DHX32: variants seen among roughly 807,000 people sequenced by gnomAD.
DHX32 encodes the protein DEAH-box helicase 32 (putative).
A neutral mutation model predicts 70.0 loss-of-function variants in DHX32; 51 were observed. The ratio of observed to expected loss-of-function variants is 0.73; its 90% CI spans 0.58 to 0.92. DHX32 has a LOEUF of 0.92. DHX32 is among the 40% of genes least tolerant of loss of function. The pLI is 0.00. For missense variants in DHX32, 762 were observed against 891.8 expected (o/e 0.85, Z 1.85); for synonymous variants, 310 against 315.3 (o/e 0.98, Z 0.18).
upstream of DHX32, among the ~76,000 whole-genome samples, chr10:125,881,743 GT>G (rs1944318858): frequency 6.6e-6 from 1 of 152,170 alleles, no homozygotes; most frequent in Non-Finnish European, 1.5e-5. Context: ...CTCCCAGGCT[GT>G]TTTCCCCCTG....
intron 4 of DHX32, chr10:125,853,079 C>T (rs1944112200): frequency 1.5e-6 from 2 of 1,367,760 alleles, no homozygotes; most frequent in South Asian, 1.3e-5. Context: ...ATCATAACAG[C>T]TAATACAGAA....
intron 8 of DHX32, 131 bp downstream of exon 8, chr10:125,840,716 C>T (rs1420101707): frequency 2.0e-6 from 2 of 1,019,160 alleles, no homozygotes; most frequent in Non-Finnish European, 2.8e-6. Context: ...GCGTTTAGGG[C>T]CTCAAGTGCC....
At chr10:125,883,405 A>G (rs999058381), upstream of DHX32, among the ~76,000 whole-genome samples, 2 of 152,156 alleles carry the variant, frequency 1.3e-5, no homozygotes, top group Non-Finnish European at 2.9e-5. Flanking sequence ...AATCACTTCC[A>G]AGATATTCCC....
At position 125,867,078 on chromosome 10, in the gene DHX32, C is replaced by T; in HGVS notation, c.388G>A (p.Val130Met). 1 of 1,614,236 alleles carries T rather than the reference C, an allele frequency of 6.2e-7. No homozygotes were observed. The highest frequency in any genetic ancestry group is 1.1e-5 in the South Asian group (1 of 91,086). ...KQTVVQLALR[V>M]ADEMDVNIGH... ...ATGTTAACATCCATTTCATCCGCCA[C>T]CCGCAGGGCGAGCTGGACCACAGTC... Residue 130 changes from valine (V) to methionine (M), a missense_variant, in exon 2 of 11, where the codon GTG (valine) becomes ATG (methionine). This residue lies in a region of DHX32 where 394 missense variants were observed against 473.1 expected (regional missense o/e 0.83). Coordinates refer to ENST00000284690, the MANE Select transcript of DHX32 (RefSeq NM_018180.3).
intron 1 of DHX32, among the ~76,000 whole-genome samples, chr10:125,892,340 C>A (rs1251722968): frequency 8.5e-5 from 13 of 152,292 alleles, no homozygotes; most frequent in Non-Finnish European, 2.9e-5. Context: ...AGGCTCTCTA[C>A]CAATCTGTCA....
chr10:125,884,186 T>G (rs1944331760), upstream of DHX32, among the ~76,000 whole-genome samples: 1 of 152,032 alleles, frequency 6.6e-6, no homozygotes, highest in Non-Finnish European at 1.5e-5. Context: ...ACTAGAGGAG[T>G]TGGGCCCATT....
intron 1 of DHX32, among the ~76,000 whole-genome samples, chr10:125,893,844 A>G (rs1944385828): frequency 6.6e-6 from 1 of 152,284 alleles, no homozygotes; most frequent in African/African-American, 2.4e-5. Flanking sequence ...AGAACTATTA[A>G]TAACATGTTC....
intron 2 of DHX32, among the ~76,000 whole-genome samples, chr10:125,864,202 C>T (rs1944205967): frequency 1.3e-5 from 2 of 152,330 alleles, no homozygotes; most frequent in African/African-American, 2.4e-5. Flanking sequence ...AGAGTATCTT[C>T]TGACTCTGCG....
chr10:125,838,149 C>T, intron 10 of DHX32, 57 bp downstream of exon 10: 3 of 1,476,664 alleles, frequency 2.0e-6, no homozygotes, highest in Non-Finnish European at 2.7e-6. Flanking sequence ...TTGTCATTTA[C>T]TCCTACAGGT....
Position 125,841,946 on chromosome 10 carries a change from A to AGG in DHX32, c.1352-13_1352-12insCC, listed in dbSNP as rs761375325. On this transcript the variant is annotated splice_polypyrimidine_tract_variant and intron_variant, in intron 6 of 10. Coordinates refer to ENST00000284690, the MANE Select transcript of DHX32 (RefSeq NM_018180.3). Reference sequence around the variant, plus strand: ...CAAACTTTCTGGTGCTAGGAAAGGAAAAAAATAATAATTTAAGAGTCTCAT... The same window carrying AGG: ...CAAACTTTCTGGTGCTAGGAAAGGAAGGAAAAATAATAATTTAAGAGTCTCAT... 1 of 1,574,378 alleles carries AGG rather than the reference A, an allele frequency of 6.4e-7. No homozygotes were observed.
At position 125,859,021 on chromosome 10, in the gene DHX32, GT is replaced by G. The variant is rs574242863; in HGVS notation, c.849+581del. Among the ~76,000 whole-genome samples, 1,190 of 139,378 alleles carry G rather than the reference GT, an allele frequency of 8.5e-3. 10 individuals are homozygous for G. Among genetic ancestry groups the G allele is most frequent in the East Asian group, 0.037 (175 of 4,718 alleles). 91.4% of individuals were successfully genotyped at this position (139,378 alleles called of 152,430 possible). ...TGTTTTAAAGAAATCTGAGTTAAAG[GT>G]TTTTTTTTTTGTTTGTTTGTTTGTT... On this transcript the variant is annotated intron_variant, in intron 3 of 10. Coordinates refer to ENST00000284690, the MANE Select transcript of DHX32 (RefSeq NM_018180.3).
chr10:125,852,775 G>A lies in DHX32; in HGVS notation c.1093-133C>T, dbSNP rs947327431. Reference sequence around the variant, plus strand: ...TGCCACAGACTCATTTTCTTTGCACGATATTTATTATTGTTTCACTTGCCT... The same window carrying A: ...TGCCACAGACTCATTTTCTTTGCACAATATTTATTATTGTTTCACTTGCCT... On this transcript the variant is annotated intron_variant, in intron 4 of 10. Transcript: ENST00000284690. 19 of 780,548 alleles carry A rather than the reference G, an allele frequency of 2.4e-5. No individual in the cohort carries two copies. The South Asian group carries it at 3.8e-4, about 16-fold the overall frequency. 48.4% of individuals were successfully genotyped at this position (780,548 alleles called of 1,614,324 possible). A position where few individuals can be genotyped will look rare whatever the true frequency, so the allele number is the denominator to read the frequency against.
chr10:125,864,928 T>TAAAAAAAAAAAA (rs1944210296), intron 2 of DHX32, among the ~76,000 whole-genome samples: 1 of 16,964 alleles, frequency 5.9e-5, no homozygotes, highest in African/African-American at 2.1e-4. Context: ...GGACTCTGTC[T>TAAAAAAAAAAAA]CAAAAAAAAA....
At chr10:125,862,190 C>A (rs769463973) in intron 2 of DHX32, among the ~76,000 whole-genome samples, 30 of 152,168 alleles carry the variant, frequency 2.0e-4, no homozygotes, top group Non-Finnish European at 4.0e-4. Flanking sequence ...CAAATTATAA[C>A]GATTGCTTCC....
At chr10:125,845,767 G>C (rs73381237) in intron 6 of DHX32, among the ~76,000 whole-genome samples, 2,913 of 152,310 alleles carry the variant, frequency 0.019, 91 homozygotes, top group African/African-American at 0.065. Context: ...GCCTTGCCCT[G>C]GGCAGGGCTC....
At chr10:125,867,326 G>T in intron 1 of DHX32, 143 bp from the exon 2 acceptor site, 1 of 667,688 alleles carries the variant, frequency 1.5e-6, no homozygotes, top group Non-Finnish European at 2.5e-6. Context: ...CTTACTTAGT[G>T]AAACTCTGAA....
At position 125,852,493 on chromosome 10, in the gene DHX32, G is replaced by A. The variant is rs186738718; in HGVS notation, c.1193-42C>T. 14 of 1,613,444 alleles carry A rather than the reference G, an allele frequency of 8.7e-6. No individual in the cohort carries two copies. The Admixed American group carries it at 2.3e-4, about 27-fold the overall frequency. On this transcript the variant is annotated intron_variant, in intron 5 of 10. Transcript: ENST00000284690. ...AAAATGGCTTTAATATTTCTGGGTT[G>A]CCTGCATACAAGAATTGACAACATT... is the stretch of plus-strand genomic sequence containing the variant.
chr10:125,878,990 G>A (rs997951650), intron 1 of DHX32, among the ~76,000 whole-genome samples: 3 of 146,468 alleles, frequency 2.0e-5, no homozygotes, highest in African/African-American at 7.5e-5. Context: ...TTACAGGCAT[G>A]AGCCACAGCG....
intron 1 of DHX32, 56 bp from the exon 2 acceptor site, chr10:125,867,239 C>T: frequency 1.4e-6 from 2 of 1,434,650 alleles, no homozygotes; most frequent in Non-Finnish European, 1.9e-6. Flanking sequence ...AAACAAGAGA[C>T]ATCTCTGTCT....
Sources: allele counts gnomAD v4.1 joint callset (sites outside exome capture counted in the v4.1 genomes callset), GRCh38; gene constraint gnomAD v4.1.1; regional missense constraint gnomAD v4.1.1; transcripts MANE v1.5; gene names NCBI Gene and HGNC (gene_info 2026-07-23, HGNC 2026-07-21).